HS6ST1: variants seen among roughly 807,000 people sequenced by gnomAD.
HS6ST1 encodes the protein heparan sulfate 6-O-sulfotransferase 1, also known as heparan-sulfate 6-O-sulfotransferase 1.
A neutral mutation model predicts 25.2 loss-of-function variants in HS6ST1; 3 were observed. That is an observed-to-expected ratio of 0.12 (90% CI 0.05 to 0.31). The LOEUF is 0.31. Among genes scored for constraint, HS6ST1 ranks in the 10% least tolerant of loss-of-function variants. HS6ST1 has a pLI of 1.00. For missense variants in HS6ST1, 310 were observed against 609.6 expected, an observed-to-expected ratio of 0.51 and a Z score of 5.18; for synonymous variants, 204 against 275.1, an observed-to-expected ratio of 0.74 and a Z score of 2.56.
intron 1 of HS6ST1, among the ~76,000 whole-genome samples, chr2:128,275,583 C>T (rs75609628): frequency 0.011 from 1,641 of 152,158 alleles, 26 homozygotes; most frequent in African/African-American, 0.036. Context: ...TAAAAGAAAA[C>T]GAGGAAACTG....
At chr2:128,308,244 G>A (rs1280799684) in intron 1 of HS6ST1, among the ~76,000 whole-genome samples, 1 of 152,160 alleles carries the variant, frequency 6.6e-6, no homozygotes, top group African/African-American at 2.4e-5. Context: ...CTTCACCTGC[G>A]AGCCGCACCC....
chr2:128,275,984 G>C lies in HS6ST1; in HGVS notation c.528-7114C>G, dbSNP rs552839225. Among the ~76,000 whole-genome samples, 4 of 152,258 alleles carry C rather than the reference G, an allele frequency of 2.6e-5. No homozygotes were observed. In the East Asian group the frequency reaches 7.7e-4, roughly 29 times the overall value. ...ACTCAGCAATAAAAATGAACAAACAGTAGCTACTCACAACACCATGGGAAA... is the reference window on the plus strand; with the variant it reads ...ACTCAGCAATAAAAATGAACAAACACTAGCTACTCACAACACCATGGGAAA... On this transcript the variant is annotated intron_variant, in intron 1 of 1. Transcript: ENST00000259241.
intron 1 of HS6ST1, among the ~76,000 whole-genome samples, chr2:128,294,513 G>C (rs1694010244): frequency 6.6e-6 from 1 of 152,208 alleles, no homozygotes; most frequent in East Asian, 1.9e-4. Context: ...GATGACACCA[G>C]TTTCAATAGG....
chr2:128,294,671 C>CGT (rs56059401), intron 1 of HS6ST1, among the ~76,000 whole-genome samples: 7,107 of 136,012 alleles, frequency 0.052, 174 homozygotes, highest in Non-Finnish European at 0.063. Flanking sequence ...AGAAGGGAGG[C>CGT]GTGTGTGTGT....
intron 1 of HS6ST1, among the ~76,000 whole-genome samples, chr2:128,315,352 CG>C (rs976442756): frequency 4.7e-4 from 71 of 152,302 alleles, no homozygotes; most frequent in Non-Finnish European, 8.8e-4. Context: ...GGCTGGCAGC[CG>C]GGAAGAGCCC....
chr2:128,297,614 T>A (rs1198977756), intron 1 of HS6ST1, among the ~76,000 whole-genome samples: 1 of 152,176 alleles, frequency 6.6e-6, no homozygotes, highest in Non-Finnish European at 1.5e-5. Context: ...ATCCACCTGA[T>A]CATGAGGTCA....
chr2:128,294,534 A>G (rs1694010448), intron 1 of HS6ST1, among the ~76,000 whole-genome samples: 1 of 152,176 alleles, frequency 6.6e-6, no homozygotes, highest in Non-Finnish European at 1.5e-5. Flanking sequence ...TTGGTGGCCC[A>G]GGTAGGATGG....
At chr2:128,274,355 C>T (rs1286571319) in intron 1 of HS6ST1, among the ~76,000 whole-genome samples, 1 of 152,122 alleles carries the variant, frequency 6.6e-6, no homozygotes, top group Non-Finnish European at 1.5e-5. Flanking sequence ...CATTGCAACG[C>T]CGTATGTTAG....
intron 1 of HS6ST1, among the ~76,000 whole-genome samples, chr2:128,288,386 G>A (rs958657082): frequency 6.6e-6 from 1 of 152,208 alleles, no homozygotes; most frequent in African/African-American, 2.4e-5. Flanking sequence ...AGGGCCCTGA[G>A]GCCAGCCAGC....
At chr2:128,294,716 G>GT (rs1491093059) in intron 1 of HS6ST1, among the ~76,000 whole-genome samples, 2 of 147,418 alleles carry the variant, frequency 1.4e-5, no homozygotes, top group African/African-American at 5.1e-5. Flanking sequence ...GTGTGTGTGT[G>GT]GAGGGGGAGA....
At chr2:128,309,720 G>C (rs1484056907) in intron 1 of HS6ST1, among the ~76,000 whole-genome samples, 1 of 152,224 alleles carries the variant, frequency 6.6e-6, no homozygotes, top group African/African-American at 2.4e-5. Context: ...TGCTGGTCAC[G>C]TGTGGCCTTC....
intron 1 of HS6ST1, among the ~76,000 whole-genome samples, chr2:128,279,329 C>CT (rs1360713178): frequency 2.3e-5 from 3 of 131,394 alleles, no homozygotes; most frequent in African/African-American, 9.5e-5. Flanking sequence ...AATGACAGAA[C>CT]CTTTTTTTTT....
Position 128,268,857 on chromosome 2 carries a change from T to C in HS6ST1, c.541A>G (p.Ile181Val). ...GACACGGGGTCTCGTAGCAGGGTGA[T>C]GTAGTAGAACTTCCTGCAAGGAGAC... ...ALRTPRKFYY[I>V]TLLRDPVSRY... is the part of the protein sequence containing the mutation. The change falls in exon 2 of 2, where the codon ATC (isoleucine) becomes GTC (valine). Residue 181 changes from isoleucine (I) to valine (V), a missense_variant. This residue lies in a region of HS6ST1 where 98 missense variants were observed against 270.3 expected (regional missense o/e 0.36). Coordinates refer to ENST00000259241, the MANE Select transcript of HS6ST1 (RefSeq NM_004807.3). 1 of 1,609,104 alleles carries C rather than the reference T, an allele frequency of 6.2e-7. No homozygotes were observed. Among genetic ancestry groups the C allele is most frequent in the Non-Finnish European group, 8.5e-7 (1 of 1,179,874 alleles).
At position 128,268,737 on chromosome 2, in the gene HS6ST1, G is replaced by A; in HGVS notation, c.661C>T (p.Leu221=). ...TCCGTGCCCTCGTAGCAGGGCGGCA[G>A]CTCCTCAGGCGTGGGCGTGCGCCCA... The part of the protein sequence containing the change: ...CDGRTPTPEE[L]PPCYEGTDWS... Residue 221 remains leucine (L), a synonymous_variant, in exon 2 of 2, where the codon CTG becomes TTG. Coordinates refer to ENST00000259241, the MANE Select transcript of HS6ST1 (RefSeq NM_004807.3). 1.2e-6 allele frequency: 2 copies of A among 1,612,730 alleles called. No homozygotes were observed. The highest frequency in any genetic ancestry group is 2.2e-5 in the South Asian group (2 of 91,044).
chr2:128,276,756 C>T (rs116554014), intron 1 of HS6ST1, among the ~76,000 whole-genome samples: 2,695 of 152,160 alleles, frequency 0.018, 86 homozygotes, highest in African/African-American at 0.062. Context: ...CCAGAGCCTC[C>T]GTCCCCAGAG....
chr2:128,301,217 C>T (rs1174825670), intron 1 of HS6ST1, among the ~76,000 whole-genome samples: 3 of 151,438 alleles, frequency 2.0e-5, no homozygotes, highest in Non-Finnish European at 4.4e-5. Context: ...GGCAGGGGTT[C>T]CCGGGGGCTG....
intron 1 of HS6ST1, among the ~76,000 whole-genome samples, chr2:128,271,610 T>C (rs1171482283): frequency 6.6e-6 from 1 of 152,218 alleles, no homozygotes; most frequent in Non-Finnish European, 1.5e-5. Flanking sequence ...TGCTCAGTTC[T>C]GTCCGCCCCT....
chr2:128,270,373 G>A lies in HS6ST1; in HGVS notation c.528-1503C>T, dbSNP rs146881347. On this transcript the variant is annotated intron_variant, in intron 1 of 1. Transcript: ENST00000259241. ...GCAGGCCTCAGTTTCCCTGCTCCAG[G>A]CTCCCACTTCACACGTCCCAAGGCA... 3.1e-3 allele frequency among the ~76,000 whole-genome samples: 470 copies of A among 152,286 alleles called. 3 individuals carry two copies. The highest frequency in any genetic ancestry group is 5.3e-3 in the Non-Finnish European group (362 of 68,006).
intron 1 of HS6ST1, among the ~76,000 whole-genome samples, chr2:128,280,515 C>A (rs1015469198): frequency 6.6e-6 from 1 of 152,238 alleles, no homozygotes; most frequent in African/African-American, 2.4e-5. Context: ...CCCAGTGCCG[C>A]AGCACCAGGC....
Sources: allele counts gnomAD v4.1 joint callset (sites outside exome capture counted in the v4.1 genomes callset), GRCh38; gene constraint gnomAD v4.1.1; regional missense constraint gnomAD v4.1.1; transcripts MANE v1.5; gene names NCBI Gene and HGNC (gene_info 2026-07-23, HGNC 2026-07-21).